The following RIPOR2 variants were observed in gnomAD, a reference collection of about 807,000 sequenced individuals.
The protein encoded by RIPOR2 is RHO family interacting cell polarization regulator 2.
RIPOR2 carries 39 observed loss-of-function variants against 114.5 expected under a neutral mutation model. The observed-to-expected ratio is 0.34, with a 90% confidence interval of 0.26 to 0.44. RIPOR2 has a LOEUF of 0.44. RIPOR2 is among the 20% of genes least tolerant of loss of function. The pLI is 1.00. For missense variants in RIPOR2, 1,007 were observed against 1,255.1 expected (o/e 0.80, Z 2.99); for synonymous variants, 445 against 484.4 (o/e 0.92, Z 1.07).
intron 1 of RIPOR2, among the ~76,000 whole-genome samples, chr6:25,040,203 C>T (rs930319714): frequency 1.3e-5 from 2 of 151,986 alleles, no homozygotes; most frequent in Non-Finnish European, 2.9e-5. Flanking sequence ...GCAATCTCCG[C>T]CTCTTGGGTT....
chr6:24,997,420 T>G lies in RIPOR2; in HGVS notation c.76+44431A>C, dbSNP rs189968980. Among the ~76,000 whole-genome samples, 220 of 152,340 alleles carry G rather than the reference T, an allele frequency of 1.4e-3. 5 individuals are homozygous for G. Among genetic ancestry groups the G allele is most frequent in the Middle Eastern group, 6.8e-3 (2 of 294 alleles). ...CTATATTAGACATAGTGCTTGCTTT[T>G]AGGAAACTGCAGTCCTTACAGCCTC... On this transcript the variant is annotated intron_variant, in intron 1 of 13. Coordinates refer to the RIPOR2 transcript ENST00000510784.
At chr6:25,029,831 G>A (rs1279041992) in intron 1 of RIPOR2, among the ~76,000 whole-genome samples, 1 of 152,094 alleles carries the variant, frequency 6.6e-6, no homozygotes, top group Non-Finnish European at 1.5e-5. Context: ...TTAAAAGCTG[G>A]GTTAAAAACA....
intron 1 of RIPOR2, among the ~76,000 whole-genome samples, chr6:24,980,218 A>G (rs891204626): frequency 1.3e-5 from 2 of 152,202 alleles, no homozygotes; most frequent in African/African-American, 4.8e-5. Context: ...AACACCATGA[A>G]TGACTTTAAA....
At chr6:25,011,510 A>C (rs1233321693) in intron 1 of RIPOR2, among the ~76,000 whole-genome samples, 1 of 152,228 alleles carries the variant, frequency 6.6e-6, no homozygotes, top group Non-Finnish European at 1.5e-5. Context: ...CCACAAAGGA[A>C]AACTTTATCT....
chr6:24,921,890 C>T (rs935282648), intron 1 of RIPOR2, among the ~76,000 whole-genome samples: 16 of 151,744 alleles, frequency 1.1e-4, no homozygotes, highest in Middle Eastern at 3.2e-3. Flanking sequence ...AGTGCAATGG[C>T]GCAATCTCGG....
intron 1 of RIPOR2, among the ~76,000 whole-genome samples, chr6:24,987,898 T>G (rs1463378696): frequency 6.6e-6 from 1 of 152,228 alleles, no homozygotes; most frequent in Non-Finnish European, 1.5e-5. Context: ...TGTCTTGTCA[T>G]CAACAGATGG....
chr6:25,012,109 T>C (rs1227126556), intron 1 of RIPOR2, among the ~76,000 whole-genome samples: 1 of 152,144 alleles, frequency 6.6e-6, no homozygotes, highest in Non-Finnish European at 1.5e-5. Flanking sequence ...GATATGCAAA[T>C]GGCTAATAAT....
At position 24,870,906 on chromosome 6, in the gene RIPOR2, A is replaced by G; in HGVS notation, c.424-17T>C. ...CAGTACACCCTACAATAAAAAAAGG[A>G]ATATCTGCATTTAAACATTATCCTT... On this transcript the variant is annotated splice_polypyrimidine_tract_variant and intron_variant, in intron 4 of 21. Coordinates refer to ENST00000643898, the MANE Select transcript of RIPOR2 (RefSeq NM_001286445.3). 1 of 1,564,856 alleles carries G rather than the reference A, an allele frequency of 6.4e-7. No individual in the cohort carries two copies. The highest frequency in any genetic ancestry group is 1.2e-5 in the South Asian group (1 of 86,330).
chr6:24,965,621 C>T (rs956592300), intron 1 of RIPOR2, among the ~76,000 whole-genome samples: 1 of 151,970 alleles, frequency 6.6e-6, no homozygotes, highest in African/African-American at 2.4e-5. Flanking sequence ...TTACATGATG[C>T]CTGAAGTCTT....
chr6:25,033,916 G>A (rs1361422737), intron 1 of RIPOR2, among the ~76,000 whole-genome samples: 2 of 151,970 alleles, frequency 1.3e-5, no homozygotes, highest in Non-Finnish European at 2.9e-5. Flanking sequence ...GTGTTCAAAT[G>A]TTACTTGGAT....
chr6:25,036,270 T>C (rs1158146558), intron 1 of RIPOR2, among the ~76,000 whole-genome samples: 1 of 152,208 alleles, frequency 6.6e-6, no homozygotes, highest in Non-Finnish European at 1.5e-5. Flanking sequence ...TTTGTCACTG[T>C]TGTCTTTTCA....
At chr6:25,009,014 G>A (rs144489954) in intron 1 of RIPOR2, among the ~76,000 whole-genome samples, 9 of 152,362 alleles carry the variant, frequency 5.9e-5, no homozygotes, top group African/African-American at 2.2e-4. Flanking sequence ...GATGGCTCTT[G>A]TCCATGCTGA....
intron 9 of RIPOR2, among the ~76,000 whole-genome samples, chr6:24,852,077 T>TG (rs1562264150): frequency 6.6e-6 from 1 of 151,922 alleles, no homozygotes; most frequent in Admixed American, 6.6e-5. Context: ...CTGGCCAACA[T>TG]GGTGAAACCC....
intron 1 of RIPOR2, among the ~76,000 whole-genome samples, chr6:24,980,083 A>T (rs979888431): frequency 2.0e-5 from 3 of 152,252 alleles, no homozygotes; most frequent in African/African-American, 7.2e-5. Context: ...GATGCATTAA[A>T]GAATCTCATC....
intron 1 of RIPOR2, chr6:24,947,842 A>T (rs903314233): frequency 6.6e-6 from 1 of 152,216 alleles, no homozygotes; most frequent in Non-Finnish European, 1.5e-5. Flanking sequence ...CTTTTAATGT[A>T]TAAGTTAACT....
intron 11 of RIPOR2, 49 bp downstream of exon 11, chr6:24,849,753 G>A (rs1168340340): frequency 6.5e-7 from 1 of 1,538,328 alleles, no homozygotes; most frequent in Admixed American, 1.7e-5. Context: ...AGTAGCACTA[G>A]CCGGTATCAG....
intron 1 of RIPOR2, among the ~76,000 whole-genome samples, chr6:24,915,161 G>C (rs1226692191): frequency 6.6e-6 from 1 of 152,106 alleles, no homozygotes; most frequent in Non-Finnish European, 1.5e-5. Flanking sequence ...AGCCTTGAAG[G>C]TCTTTACTCT....
intron 1 of RIPOR2, among the ~76,000 whole-genome samples, chr6:24,992,955 G>A (rs1477351003): frequency 1.3e-5 from 2 of 152,206 alleles, no homozygotes; most frequent in Non-Finnish European, 2.9e-5. Flanking sequence ...TGCCACCAGG[G>A]AATGGCCTTT....
rs146533578 is a variant in RIPOR2 at position 24,993,800 on chromosome 6, T to C, written c.76+48051A>G. The stretch of plus-strand genomic sequence containing the variant: ...TGTTAATGTATTTTCTATGGCTGCA[T>C]TCACATTACAAAGGCAGAGTTGAAC... On this transcript the variant is annotated intron_variant, in intron 1 of 13. Coordinates refer to the RIPOR2 transcript ENST00000510784. 2.9e-3 allele frequency among the ~76,000 whole-genome samples: 443 copies of C among 152,360 alleles called. 4 individuals are homozygous for C. The highest frequency in any genetic ancestry group is 0.018 in the East Asian group (93 of 5,188).
Sources: gnomAD v4.1 joint callset for allele counts (sites outside exome capture counted in the v4.1 genomes callset) on GRCh38, gnomAD v4.1.1 for gene constraint, MANE v1.5 for transcripts, NCBI Gene and HGNC (gene_info 2026-07-23, HGNC 2026-07-21) for gene names.